PAPPA2: variants seen among roughly 807,000 people sequenced by gnomAD.
PAPPA2 encodes the protein pappalysin 2.
PAPPA2 carries 86 observed loss-of-function variants against 176.4 expected under a neutral mutation model. That is an observed-to-expected ratio of 0.49 (90% CI 0.41 to 0.58). The LOEUF is 0.58. Among genes scored for constraint, PAPPA2 ranks in the 20% least tolerant of loss-of-function variants. The probability of loss-of-function intolerance (pLI) is 0.00; values close to 1 mark genes in which losing one functional copy is unlikely to be tolerated. For synonymous variants in PAPPA2, 809 were observed against 852.2 expected (o/e 0.95, Z 0.88); for missense variants, 2,073 against 2,256.9 (o/e 0.92, Z 1.65).
chr1:176,500,554 A>AGGG (rs1429011069), intron 1 of PAPPA2, among the ~76,000 whole-genome samples: 1 of 150,002 alleles, frequency 6.7e-6, no homozygotes, highest in Non-Finnish European at 1.5e-5. Context: ...TACATATAAA[A>AGGG]CTAGTTAACT....
intron 4 of PAPPA2, among the ~76,000 whole-genome samples, chr1:176,675,635 C>T (rs1035118136): frequency 1.3e-5 from 2 of 151,960 alleles, no homozygotes; most frequent in African/African-American, 2.4e-5. Context: ...TCTTAGGAAA[C>T]ATTTAAGACT....
chr1:176,680,477 T>C (rs1273139058), intron 4 of PAPPA2, among the ~76,000 whole-genome samples: 1 of 152,230 alleles, frequency 6.6e-6, no homozygotes, highest in African/African-American at 2.4e-5. Context: ...TAAACTAGAC[T>C]TTTTATTTTG....
intron 21 of PAPPA2, among the ~76,000 whole-genome samples, chr1:176,822,375 C>A (rs1666699476): frequency 6.6e-6 from 1 of 152,130 alleles, no homozygotes; most frequent in South Asian, 2.1e-4. Context: ...TAACTTCCTT[C>A]CTCCTTGTAG....
chr1:176,644,916 G>A (rs1657310757), intron 3 of PAPPA2, among the ~76,000 whole-genome samples: 1 of 151,720 alleles, frequency 6.6e-6, no homozygotes, highest in African/African-American at 2.4e-5. Context: ...CACAACACAG[G>A]TGCAGCGCCA....
chr1:176,627,538 C>A (rs1656100516), intron 3 of PAPPA2, among the ~76,000 whole-genome samples: 1 of 152,160 alleles, frequency 6.6e-6, no homozygotes, highest in Non-Finnish European at 1.5e-5. Context: ...GTGTCTATAA[C>A]TGAATTTTAT....
intron 11 of PAPPA2, 113 bp from the exon 12 acceptor site, chr1:176,711,722 C>G: frequency 1.7e-6 from 2 of 1,197,344 alleles, no homozygotes; most frequent in Non-Finnish European, 2.4e-6. Context: ...ATAATGTGAT[C>G]ATTAGGCATT....
chr1:176,743,218 C>T (rs910334748), intron 14 of PAPPA2, among the ~76,000 whole-genome samples: 5 of 152,026 alleles, frequency 3.3e-5, no homozygotes, highest in Admixed American at 1.3e-4. Flanking sequence ...AAAGCATGCA[C>T]GGTTTTTATT....
chr1:176,502,758 T>A (rs373459367), intron 1 of PAPPA2, among the ~76,000 whole-genome samples: 1 of 152,216 alleles, frequency 6.6e-6, no homozygotes, highest in Non-Finnish European at 1.5e-5. Flanking sequence ...TGACCTATTA[T>A]TGGATCTTCC....
chr1:176,510,252 A>G (rs1037927399), intron 1 of PAPPA2, among the ~76,000 whole-genome samples: 1 of 152,188 alleles, frequency 6.6e-6, no homozygotes, highest in Non-Finnish European at 1.5e-5. Context: ...AGGGGTGGGG[A>G]ACATGTTATG....
At chr1:176,569,222 G>A (rs1377680685) in intron 2 of PAPPA2, among the ~76,000 whole-genome samples, 1 of 152,012 alleles carries the variant, frequency 6.6e-6, no homozygotes, top group Non-Finnish European at 1.5e-5. Context: ...ATGCACTCAC[G>A]CATATACTTC....
At chr1:176,780,182 A>T (rs1047742207) in intron 17 of PAPPA2, among the ~76,000 whole-genome samples, 7 of 152,150 alleles carry the variant, frequency 4.6e-5, no homozygotes, top group African/African-American at 1.7e-4. Flanking sequence ...TGAGGGTGTG[A>T]GTGTGTGTAT....
intron 1 of PAPPA2, among the ~76,000 whole-genome samples, chr1:176,544,942 G>A (rs1340847443): frequency 6.6e-6 from 1 of 152,106 alleles, no homozygotes; most frequent in Non-Finnish European, 1.5e-5. Context: ...TATGGGGAAG[G>A]GGCACGGAGC....
intron 3 of PAPPA2, among the ~76,000 whole-genome samples, chr1:176,645,518 A>G (rs989854426): frequency 6.6e-6 from 1 of 151,750 alleles, no homozygotes; most frequent in East Asian, 1.9e-4. Flanking sequence ...TTGATTCCAT[A>G]TTTTAGCTAT....
At chr1:176,478,998 C>A (rs961138051) in intron 1 of PAPPA2, among the ~76,000 whole-genome samples, 3 of 152,162 alleles carry the variant, frequency 2.0e-5, no homozygotes, top group Non-Finnish European at 4.4e-5. Flanking sequence ...CTTTTAGTAT[C>A]TTTACATTAA....
At chr1:176,685,482 G>A (rs934920494) in intron 4 of PAPPA2, among the ~76,000 whole-genome samples, 2 of 152,310 alleles carry the variant, frequency 1.3e-5, no homozygotes, top group African/African-American at 4.8e-5. Flanking sequence ...TGCGGAGTCT[G>A]ACCTATGTAA....
chr1:176,821,132 C>T (rs1003467939), intron 21 of PAPPA2, among the ~76,000 whole-genome samples: 1 of 152,172 alleles, frequency 6.6e-6, no homozygotes, highest in African/African-American at 2.4e-5. Context: ...TTATGTATTT[C>T]TTCAGTGAAA....
intron 12 of PAPPA2, among the ~76,000 whole-genome samples, chr1:176,734,228 G>C (rs1662292690): frequency 6.6e-6 from 1 of 152,052 alleles, no homozygotes; most frequent in South Asian, 2.1e-4. Flanking sequence ...CACAGTTTGA[G>C]GACATGCTCT....
chr1:176,601,985 G>T (rs1211441863), intron 3 of PAPPA2, among the ~76,000 whole-genome samples: 2 of 151,864 alleles, frequency 1.3e-5, no homozygotes, highest in Non-Finnish European at 2.9e-5. Flanking sequence ...CTCTTTTTTG[G>T]TTTCTATATC....
At chr1:176,663,351 C>T (rs1573214172) in intron 3 of PAPPA2, among the ~76,000 whole-genome samples, 1 of 152,136 alleles carries the variant, frequency 6.6e-6, no homozygotes, top group Non-Finnish European at 1.5e-5. Flanking sequence ...ATACCTGCTC[C>T]TTAGACATAA....
Sources: gnomAD v4.1 joint callset for allele counts (sites outside exome capture counted in the v4.1 genomes callset) on GRCh38, gnomAD v4.1.1 for gene constraint, MANE v1.5 for transcripts, NCBI Gene and HGNC (gene_info 2026-07-23, HGNC 2026-07-21) for gene names.